TBC1D5: variants seen among roughly 807,000 people sequenced by gnomAD.
The protein encoded by TBC1D5 is TBC1 domain family member 5, also known as TBC1 domain family, member 5.
A neutral mutation model predicts 100.3 loss-of-function variants in TBC1D5; 75 were observed. The ratio of observed to expected loss-of-function variants is 0.75; its 90% CI spans 0.62 to 0.91. TBC1D5 has a LOEUF of 0.91. TBC1D5 is among the 40% of genes least tolerant of loss of function. TBC1D5 has a pLI of 0.00. For missense variants in TBC1D5, 910 were observed against 942.4 expected, an observed-to-expected ratio of 0.97 and a Z score of 0.45; for synonymous variants, 323 against 325.6, an observed-to-expected ratio of 0.99 and a Z score of 0.09.
Position 17,729,846 on chromosome 3 carries a change from C to T in TBC1D5, c.-101+9497G>A, listed in dbSNP as rs567136321. Reference sequence around the variant, plus strand: ...AATGTTGGTCAGGCATGGTGGCTCACGCCTGTAATCCCAGCACTTTGGGAG... The same window carrying T: ...AATGTTGGTCAGGCATGGTGGCTCATGCCTGTAATCCCAGCACTTTGGGAG... On this transcript the variant is annotated intron_variant, in intron 1 of 21. Transcript: ENST00000253692. Among the ~76,000 whole-genome samples the T allele has an allele frequency of 1.2e-4, 18 of 152,334 alleles. 1 individual carries two copies. The highest frequency in any genetic ancestry group is 6.2e-4 in the South Asian group (3 of 4,830).
intron 13 of TBC1D5, among the ~76,000 whole-genome samples, chr3:17,317,885 C>A (rs530551152): frequency 6.6e-6 from 1 of 151,990 alleles, no homozygotes; most frequent in East Asian, 1.9e-4. Flanking sequence ...GGGTATATAC[C>A]CAAAGGATTA....
chr3:17,479,060 T>C (rs911087288), intron 3 of TBC1D5, among the ~76,000 whole-genome samples: 1 of 152,188 alleles, frequency 6.6e-6, no homozygotes, highest in African/African-American at 2.4e-5. Context: ...GGTAAATAAA[T>C]GGCTACACAG....
At chr3:17,166,139 T>G (rs1252591380) in intron 21 of TBC1D5, among the ~76,000 whole-genome samples, 1 of 151,516 alleles carries the variant, frequency 6.6e-6, no homozygotes, top group East Asian at 1.9e-4. Flanking sequence ...GCCCCCAAGC[T>G]GAGAATGGTT....
chr3:17,235,820 T>C (rs1250690762), intron 17 of TBC1D5, among the ~76,000 whole-genome samples: 4 of 152,160 alleles, frequency 2.6e-5, no homozygotes, highest in South Asian at 2.1e-4. Flanking sequence ...ACCGTTCTCT[T>C]TGCCTTTTGT....
chr3:17,713,328 G>A (rs1045715792), intron 1 of TBC1D5, among the ~76,000 whole-genome samples: 4 of 149,918 alleles, frequency 2.7e-5, no homozygotes, highest in Non-Finnish European at 3.0e-5. Flanking sequence ...TGCAAGCTCC[G>A]CCTCCAGGGT....
At chr3:17,633,760 AAATT>A (rs934839375) in intron 1 of TBC1D5, among the ~76,000 whole-genome samples, 2 of 152,148 alleles carry the variant, frequency 1.3e-5, no homozygotes, top group African/African-American at 4.8e-5. Flanking sequence ...TTTAATTTAA[AAATT>A]AATTATAAAA....
At chr3:17,657,776 ACCTATCTTATTTC>A (rs2066234965) in intron 1 of TBC1D5, among the ~76,000 whole-genome samples, 1 of 152,110 alleles carries the variant, frequency 6.6e-6, no homozygotes, top group African/African-American at 2.4e-5. Flanking sequence ...AACTCTCAAC[ACCTATCTTATTTC>A]CCTTATGACC....
At chr3:17,260,068 T>C (rs2078133279) in intron 15 of TBC1D5, among the ~76,000 whole-genome samples, 1 of 152,194 alleles carries the variant, frequency 6.6e-6, no homozygotes, top group South Asian at 2.1e-4. Flanking sequence ...TTTCTCATGG[T>C]AGCTGATGAC....
At chr3:17,348,444 G>C (rs2090171467) in intron 13 of TBC1D5, among the ~76,000 whole-genome samples, 1 of 152,192 alleles carries the variant, frequency 6.6e-6, no homozygotes, top group Non-Finnish European at 1.5e-5. Context: ...CACCAAGTTT[G>C]CAGGTGACGC....
At chr3:17,607,795 G>GA (rs1313575776) in intron 2 of TBC1D5, among the ~76,000 whole-genome samples, 1 of 152,044 alleles carries the variant, frequency 6.6e-6, no homozygotes, top group Non-Finnish European at 1.5e-5. Flanking sequence ...AAGTTTACTA[G>GA]AGGTTTTCTG....
At chr3:17,161,451 C>A (rs2066044923) in intron 21 of TBC1D5, among the ~76,000 whole-genome samples, 195 bp from the exon 23 acceptor site, 1 of 152,240 alleles carries the variant, frequency 6.6e-6, no homozygotes, top group Admixed American at 6.5e-5. Flanking sequence ...CCAGCAGCAT[C>A]TTGTGAGCCC....
chr3:17,298,063 A>C (rs1430048954), intron 14 of TBC1D5, among the ~76,000 whole-genome samples: 5 of 152,370 alleles, frequency 3.3e-5, no homozygotes, highest in East Asian at 1.9e-4. Context: ...CCTGATTCAT[A>C]CATTTGACTC....
chr3:17,656,200 C>A (rs953663977), intron 1 of TBC1D5, among the ~76,000 whole-genome samples: 1 of 152,178 alleles, frequency 6.6e-6, no homozygotes, highest in African/African-American at 2.4e-5. Flanking sequence ...GCCATGGCTG[C>A]TAGCTGTATA....
At chr3:17,474,336 A>G (rs1257000356) in intron 3 of TBC1D5, among the ~76,000 whole-genome samples, 1 of 152,184 alleles carries the variant, frequency 6.6e-6, no homozygotes, top group Non-Finnish European at 1.5e-5. Context: ...AGCTGAGTTT[A>G]TGTTTGTCCT....
intron 2 of TBC1D5, among the ~76,000 whole-genome samples, chr3:17,603,038 C>T (rs1401675124): frequency 6.6e-6 from 1 of 152,038 alleles, no homozygotes; most frequent in Non-Finnish European, 1.5e-5. Context: ...AGCATACTAA[C>T]ATTAAATAAT....
intron 15 of TBC1D5, among the ~76,000 whole-genome samples, chr3:17,263,258 G>A (rs1446758661): frequency 6.6e-6 from 1 of 151,104 alleles, no homozygotes; most frequent in African/African-American, 2.4e-5. Flanking sequence ...AGCTACTTGG[G>A]AGGCTGAGGC....
intron 1 of TBC1D5, among the ~76,000 whole-genome samples, chr3:17,662,366 A>G (rs933732713): frequency 6.6e-6 from 1 of 152,196 alleles, no homozygotes; most frequent in Non-Finnish European, 1.5e-5. Context: ...AGTGCCAAAG[A>G]AGTTTAGAGG....
At chr3:17,569,638 G>A (rs897750779) in intron 2 of TBC1D5, among the ~76,000 whole-genome samples, 4 of 151,536 alleles carry the variant, frequency 2.6e-5, no homozygotes, top group African/African-American at 9.7e-5. Flanking sequence ...AAATGCACTT[G>A]AGCCTGAAGC....
chr3:17,443,827 G>A (rs2094720218), intron 3 of TBC1D5, among the ~76,000 whole-genome samples: 1 of 152,154 alleles, frequency 6.6e-6, no homozygotes, highest in African/African-American at 2.4e-5. Flanking sequence ...GAATGGGACA[G>A]TGAACTGAAA....
Sources: gnomAD v4.1 joint callset for allele counts (sites outside exome capture counted in the v4.1 genomes callset) on GRCh38, gnomAD v4.1.1 for gene constraint, MANE v1.5 for transcripts, NCBI Gene and HGNC (gene_info 2026-07-23, HGNC 2026-07-21) for gene names.